Variants in PPP3CA observed in about 807,000 individuals in gnomAD.
PPP3CA encodes CAM-PRP catalytic subunit.
In PPP3CA, 14 loss-of-function variants were observed where a neutral mutation model predicts 66.5. That is an observed-to-expected ratio of 0.21 (90% CI 0.14 to 0.33). The LOEUF is 0.33. Ranked by LOEUF, PPP3CA falls within the 10% of genes least tolerant of loss-of-function variation. The probability of loss-of-function intolerance (pLI) is 1.00; values close to 1 mark genes in which losing one functional copy is unlikely to be tolerated. For synonymous variants in PPP3CA, 232 were observed against 226.2 expected (o/e 1.03, Z -0.23); for missense variants, 317 against 639.5 (o/e 0.50, Z 5.44).
At chr4:101,106,260 G>A (rs28642204) in intron 3 of PPP3CA, among the ~76,000 whole-genome samples, 5 of 151,426 alleles carry the variant, frequency 3.3e-5, no homozygotes, top group African/African-American at 1.2e-4. Context: ...GATTGAAGCT[G>A]CAGTGAGCTA....
chr4:101,144,474 C>T (rs963065), intron 2 of PPP3CA, among the ~76,000 whole-genome samples: 85,060 of 151,946 alleles, frequency 0.56, 26,667 homozygotes, highest in African/African-American at 0.84. Context: ...CTTTTGGTCT[C>T]GGTAAGCTGC....
At chr4:101,258,901 T>C (rs983879859) in intron 1 of PPP3CA, among the ~76,000 whole-genome samples, 2 of 152,026 alleles carry the variant, frequency 1.3e-5, no homozygotes, top group Non-Finnish European at 2.9e-5. Flanking sequence ...TCCACCCAGG[T>C]CTTCCTGCTA....
intron 1 of PPP3CA, among the ~76,000 whole-genome samples, chr4:101,295,214 T>C (rs561950709): frequency 1.8e-4 from 26 of 141,532 alleles, no homozygotes; most frequent in Non-Finnish European, 2.6e-4. Context: ...GGCAGGAGAA[T>C]GGCGTGAACC....
chr4:101,027,922 T>A (rs1405129330), intron 13 of PPP3CA, among the ~76,000 whole-genome samples: 1 of 152,170 alleles, frequency 6.6e-6, no homozygotes, highest in African/African-American at 2.4e-5. Flanking sequence ...GTAGTATACT[T>A]AACACAACAC....
intron 6 of PPP3CA, among the ~76,000 whole-genome samples, chr4:101,090,779 T>C (rs1179195920): frequency 6.6e-6 from 1 of 151,320 alleles, no homozygotes; most frequent in Non-Finnish European, 1.5e-5. Context: ...ATATATTCTA[T>C]ATATTTATTT....
In PPP3CA at chr4:101,032,250, C is replaced by T; in HGVS notation, c.1339+17G>A. ...TGCGATGCCCCAGCACACAGTCATA[C>T]CCATCAGCCTGCTTACCGCTTTGCA... On this transcript the variant is annotated intron_variant, in intron 12 of 13. Transcript: ENST00000394854. 1.9e-6 allele frequency: 3 copies of T among 1,573,796 alleles called. No homozygotes were observed. The highest frequency in any genetic ancestry group is 1.2e-5 in the South Asian group (1 of 85,152).
At chr4:101,091,067 G>A (rs955991057) in intron 6 of PPP3CA, among the ~76,000 whole-genome samples, 1 of 151,998 alleles carries the variant, frequency 6.6e-6, no homozygotes, top group Non-Finnish European at 1.5e-5. Context: ...ACTCTGCTTA[G>A]AATATGATTT....
chr4:101,233,057 T>C lies in PPP3CA; in HGVS notation c.59-36941A>G, dbSNP rs187034206. 4.1e-3 allele frequency among the ~76,000 whole-genome samples: 628 copies of C among 151,854 alleles called. 4 individuals carry two copies. The highest frequency in any genetic ancestry group is 0.014 in the African/African-American group (599 of 41,496). ...CTTTGTTTTTTAATCTGTAACCATT[T>C]TCAAAGGAAAAGCCACCTAACTCAT... On this transcript the variant is annotated intron_variant, in intron 1 of 13. Transcript: ENST00000394854.
chr4:101,078,629 CT>C (rs1209353843), intron 8 of PPP3CA, among the ~76,000 whole-genome samples: 8 of 152,242 alleles, frequency 5.3e-5, no homozygotes, highest in African/African-American at 1.7e-4. Context: ...CATACTGTAA[CT>C]ATCAGCTTAT....
At chr4:101,042,434 T>A (rs781729118) in intron 10 of PPP3CA, among the ~76,000 whole-genome samples, 1 of 152,224 alleles carries the variant, frequency 6.6e-6, no homozygotes, top group South Asian at 2.1e-4. Context: ...TTTCAACATA[T>A]CCAATGGGAA....
At chr4:101,336,885 C>G (rs1197385937) in intron 1 of PPP3CA, among the ~76,000 whole-genome samples, 1 of 152,182 alleles carries the variant, frequency 6.6e-6, no homozygotes, top group African/African-American at 2.4e-5. Flanking sequence ...AGCTAGAATT[C>G]TGGTGTACCT....
chr4:101,031,816 G>T (rs182718921), intron 12 of PPP3CA, among the ~76,000 whole-genome samples: 15 of 152,264 alleles, frequency 9.9e-5, no homozygotes, highest in African/African-American at 3.6e-4. Flanking sequence ...CATTCAAGAG[G>T]ATAATGAAAT....
intron 1 of PPP3CA, among the ~76,000 whole-genome samples, chr4:101,225,517 T>C (rs568484878): frequency 3.5e-4 from 53 of 151,978 alleles, no homozygotes; most frequent in African/African-American, 1.3e-3. Context: ...CAAATGTCCC[T>C]TTAGGTATCT....
chr4:101,345,447 T>C (rs1340225155), intron 1 of PPP3CA, among the ~76,000 whole-genome samples: 1 of 152,172 alleles, frequency 6.6e-6, no homozygotes, highest in Non-Finnish European at 1.5e-5. Context: ...CTGGCCACAT[T>C]AGATACCATC....
intron 2 of PPP3CA, among the ~76,000 whole-genome samples, chr4:101,133,341 T>C (rs1722511347): frequency 6.6e-6 from 1 of 152,206 alleles, no homozygotes; most frequent in African/African-American, 2.4e-5. Context: ...ATTGTATATT[T>C]AGAAAAACAC....
intron 2 of PPP3CA, among the ~76,000 whole-genome samples, chr4:101,112,395 T>C (rs369533421): frequency 5.5e-4 from 83 of 152,158 alleles, no homozygotes; most frequent in African/African-American, 2.0e-3. Flanking sequence ...TGATATAAAA[T>C]AGAAAAAAGT....
chr4:101,316,781 A>G (rs1728896211), intron 1 of PPP3CA, among the ~76,000 whole-genome samples: 2 of 152,220 alleles, frequency 1.3e-5, no homozygotes. Context: ...ATTTTAAAAC[A>G]CTATCAGATA....
chr4:101,221,399 T>C (rs1315363304), intron 1 of PPP3CA, among the ~76,000 whole-genome samples: 1 of 151,594 alleles, frequency 6.6e-6, no homozygotes, highest in Non-Finnish European at 1.5e-5. Flanking sequence ...TTTCTAACTC[T>C]GTCAGATCTG....
At chr4:101,183,772 G>A (rs913716731) in intron 2 of PPP3CA, among the ~76,000 whole-genome samples, 51 of 152,086 alleles carry the variant, frequency 3.4e-4, no homozygotes, top group Admixed American at 3.3e-3. Context: ...AAGACAGACT[G>A]GAAGCTGTTG....
Sources: gnomAD v4.1 joint callset for allele counts (sites outside exome capture counted in the v4.1 genomes callset) on GRCh38, gnomAD v4.1.1 for gene constraint, MANE v1.5 for transcripts, NCBI Gene and HGNC (gene_info 2026-07-23, HGNC 2026-07-21) for gene names.